Variants in IREB2 observed in about 807,000 individuals in gnomAD.
The protein encoded by IREB2 is iron responsive element binding protein 2, also known as iron-responsive element-binding protein 2.
IREB2 carries 39 observed loss-of-function variants against 118.8 expected under a neutral mutation model. The observed-to-expected ratio is 0.33, with a 90% CI of 0.25 to 0.43. The LOEUF (loss-of-function observed/expected upper bound fraction) is 0.43, where lower values mean the gene tolerates loss of function less well. Ranked by LOEUF, IREB2 falls within the 20% of genes least tolerant of loss-of-function variation. The probability of loss-of-function intolerance (pLI) is 1.00; values close to 1 mark genes in which losing one functional copy is unlikely to be tolerated. For synonymous variants in IREB2, 372 were observed against 392.2 expected (o/e 0.95, Z 0.61); for missense variants, 900 against 1,147.3 (o/e 0.78, Z 3.11).
intron 2 of IREB2, among the ~76,000 whole-genome samples, chr15:78,449,021 G>T (rs1041125734): frequency 2.0e-5 from 3 of 152,090 alleles, no homozygotes; most frequent in Non-Finnish European, 4.4e-5. Flanking sequence ...TGATAAGCAC[G>T]GAAGATAGTT....
rs2051929191 is a variant in IREB2 at position 78,500,714 on chromosome 15, T to A, written c.*2571T>A. 1 of 152,218 alleles carries A rather than the reference T, an allele frequency of 6.6e-6. No homozygotes were observed. Among genetic ancestry groups the A allele is most frequent in the Non-Finnish European group, 1.5e-5 (1 of 68,028 alleles). The allele number at this position is 152,218 out of a possible 1,614,324, so 9.4% of individuals were successfully genotyped here. A position where few individuals can be genotyped will look rare whatever the true frequency, so the allele number is the denominator to read the frequency against. On this transcript the variant is annotated 3_prime_UTR_variant, in exon 22 of 22. Coordinates refer to ENST00000258886, the MANE Select transcript of IREB2 (RefSeq NM_004136.4). ...TTCATATTTTGGGGTTTTGCTACTC[T>A]TATACAATGGAATCAATGGAAATGT...
intron 8 of IREB2, chr15:78,474,122 A>G (rs2051425488): frequency 1.3e-5 from 2 of 152,228 alleles, no homozygotes; most frequent in African/African-American, 2.4e-5. Flanking sequence ...CTAGTGAACA[A>G]TAATTTGTAA....
chr15:78,475,423 G>A (rs1052896017), intron 8 of IREB2: 3 of 152,080 alleles, frequency 2.0e-5, no homozygotes, highest in Non-Finnish European at 4.4e-5. Flanking sequence ...AAACATTTGG[G>A]CCAGTAGTTA....
At chr15:78,449,901 C>T (rs1057325097) in intron 2 of IREB2, among the ~76,000 whole-genome samples, 7 of 152,094 alleles carry the variant, frequency 4.6e-5, no homozygotes, top group African/African-American at 9.7e-5. Context: ...TGTGATGACA[C>T]GAATTACTAT....
intron 7 of IREB2, among the ~76,000 whole-genome samples, chr15:78,472,967 A>G (rs1417833477): frequency 6.6e-6 from 1 of 152,248 alleles, no homozygotes; most frequent in Non-Finnish European, 1.5e-5. Context: ...TGCAGTGCCT[A>G]ACATAATGAA....
chr15:78,484,568 C>G (rs954055178), intron 11 of IREB2, among the ~76,000 whole-genome samples, 193 bp from the exon 12 acceptor site: 22 of 152,318 alleles, frequency 1.4e-4, no homozygotes, highest in African/African-American at 5.0e-4. Context: ...CACCAGACTC[C>G]TGTCGTGCCC....
In IREB2 at chr15:78,473,350, C is replaced by T. The variant is rs749660707; in HGVS notation, c.992C>T (p.Thr331Ile). ...ACTGGGTCATCAAACCCTTTTGTTA[C>T]ATCCATAGATGTTGTTCTTGGTATT... ...ELTGSSNPFV[T>I]SIDVVLGITK... The change falls in exon 8 of 22, where the codon ACA becomes ATA. Residue 331 changes from threonine to isoleucine, a missense_variant. Physicochemically the swap from Thr to Ile is moderately conservative, Grantham distance 89. Coordinates refer to ENST00000258886, the MANE Select transcript of IREB2 (RefSeq NM_004136.4). 13 of 1,613,828 alleles carry T rather than the reference C, an allele frequency of 8.1e-6. No homozygotes were observed. The highest frequency in any genetic ancestry group is 1.1e-5 in the Non-Finnish European group (13 of 1,179,722).
Position 78,485,710 on chromosome 15 carries a change from T to C in IREB2, c.1579T>C (p.Leu527=). 1 of 1,613,492 alleles carries C rather than the reference T, an allele frequency of 6.2e-7. No individual in the cohort carries two copies. The highest frequency in any genetic ancestry group is 1.1e-5 in the South Asian group (1 of 90,936). ...ATTGTTTGTTGGCTGTGCAGGTCTTTTGGCTAAAAAGGCTGTTGAAGCTGG... is the reference window on the plus strand; with the variant it reads ...ATTGTTTGTTGGCTGTGCAGGTCTTCTGGCTAAAAAGGCTGTTGAAGCTGG... ...NPSVMLAAGL[L]AKKAVEAGLR... is the part of the protein sequence containing the mutation. Residue 527 remains leucine (L), a synonymous_variant, in exon 13 of 22, where the codon TTG becomes CTG. Coordinates refer to ENST00000258886, the MANE Select transcript of IREB2 (RefSeq NM_004136.4).
chr15:78,460,854 T>TA (rs1288230680), intron 2 of IREB2, among the ~76,000 whole-genome samples: 4 of 151,982 alleles, frequency 2.6e-5, no homozygotes, highest in Non-Finnish European at 4.4e-5. Flanking sequence ...AGCTTCATTT[T>TA]AAAAAAAATT....
At chr15:78,471,983 T>C in intron 7 of IREB2, 59 bp downstream of exon 7, 1 of 1,238,222 alleles carries the variant, frequency 8.1e-7, no homozygotes, top group Non-Finnish European at 1.1e-6. Context: ...AAGAACATTG[T>C]AAAAGAACAT....
chr15:78,495,382 T>C (rs935025362), intron 20 of IREB2, among the ~76,000 whole-genome samples: 1 of 152,176 alleles, frequency 6.6e-6, no homozygotes, highest in African/African-American at 2.4e-5. Flanking sequence ...ATATGGCAGG[T>C]GATGCTTGGC....
intron 2 of IREB2, among the ~76,000 whole-genome samples, chr15:78,440,678 G>A (rs576131954): frequency 8.4e-4 from 128 of 152,268 alleles, no homozygotes; most frequent in Non-Finnish European, 1.6e-3. Flanking sequence ...GTTTTACTTT[G>A]TCAAATGAAC....
At position 78,463,014 on chromosome 15, in the gene IREB2, T is replaced by A; in HGVS notation, c.199T>A (p.Leu67Ile). The A allele has an allele frequency of 6.2e-7, 1 of 1,613,550 alleles. No homozygotes were observed. The highest frequency in any genetic ancestry group is 8.5e-7 in the Non-Finnish European group (1 of 1,179,866). ...GAAGAAGGAAGATGTTATGAACATT[T>A]TAGACTGGAAAACCAAACAAAGCAA... ...LMKKEDVMNI[L>I]DWKTKQSNVE... Residue 67 changes from leucine (L) to isoleucine (I), a missense_variant, in exon 3 of 22, where the codon TTA becomes ATA. Coordinates refer to ENST00000258886, the MANE Select transcript of IREB2 (RefSeq NM_004136.4).
intron 2 of IREB2, among the ~76,000 whole-genome samples, chr15:78,455,218 G>A (rs1013548325): frequency 6.6e-6 from 1 of 152,206 alleles, no homozygotes; most frequent in East Asian, 1.9e-4. Flanking sequence ...GTGCCAACGA[G>A]TAAGGAGAAA....
At chr15:78,472,011 T>A in intron 7 of IREB2, 87 bp downstream of exon 7, 1 of 1,038,658 alleles carries the variant, frequency 9.6e-7, no homozygotes, top group Non-Finnish European at 1.4e-6. Flanking sequence ...TGAGTTTGTA[T>A]AGCCTCTTTG....
rs114307565 is a variant in IREB2 at position 78,485,009 on chromosome 15, A to G, written c.1573+89A>G. The G allele has an allele frequency of 1.9e-4, 223 of 1,180,570 alleles. No homozygotes were observed. In the African/African-American group the frequency reaches 3.2e-3, roughly 17 times the overall value. The allele number at this position is 1,180,570 out of a possible 1,614,324, so 73.1% of individuals were successfully genotyped here. ...TGTAACTTTGTTTCTTAGATGATGC[A>G]TGAGTGTCTACATTTGATATTGAGA... On this transcript the variant is annotated intron_variant, in intron 12 of 21. Transcript: ENST00000258886.
chr15:78,478,722 T>A (rs1029334854), intron 10 of IREB2, among the ~76,000 whole-genome samples: 2 of 152,024 alleles, frequency 1.3e-5, no homozygotes, highest in African/African-American at 4.8e-5. Flanking sequence ...AAAAAAATAA[T>A]AATAATAAAT....
intron 5 of IREB2, among the ~76,000 whole-genome samples, chr15:78,469,261 ATGTT>A (rs2051335048): frequency 6.6e-6 from 1 of 152,146 alleles, no homozygotes; most frequent in Admixed American, 6.5e-5. Context: ...GAGCCAATAA[ATGTT>A]TGTATGGCAC....
intron 5 of IREB2, among the ~76,000 whole-genome samples, chr15:78,467,914 C>T (rs1402530737): frequency 6.6e-6 from 1 of 152,060 alleles, no homozygotes; most frequent in Non-Finnish European, 1.5e-5. Context: ...GGCTGAAGTG[C>T]AGTGTCATAA....
Sources: allele counts gnomAD v4.1 joint callset (sites outside exome capture counted in the v4.1 genomes callset), GRCh38; gene constraint gnomAD v4.1.1; transcripts MANE v1.5; gene names NCBI Gene and HGNC (gene_info 2026-07-23, HGNC 2026-07-21).